The following SLC44A5 variants were observed in gnomAD, a reference collection of about 807,000 sequenced individuals.
SLC44A5 encodes the protein choline transporter-like protein 5.
SLC44A5 carries 57 observed loss-of-function variants against 101.8 expected under a neutral mutation model. The observed-to-expected ratio is 0.56, with a 90% CI of 0.45 to 0.70. The LOEUF (loss-of-function observed/expected upper bound fraction) is 0.70, where lower values mean the gene tolerates loss of function less well. Among genes scored for constraint, SLC44A5 ranks in the 30% least tolerant of loss-of-function variants. The pLI is 0.00. For synonymous variants in SLC44A5, 281 were observed against 290.9 expected (o/e 0.97, Z 0.35); for missense variants, 737 against 853.1 (o/e 0.86, Z 1.70).
intron 2 of SLC44A5, 143 bp from the exon 3 acceptor site, chr1:75,396,764 T>A: frequency 1.6e-6 from 1 of 627,018 alleles, no homozygotes; most frequent in Non-Finnish European, 2.9e-6. Flanking sequence ...CTGGTTGAAG[T>A]AATTCTTTAT....
chr1:75,532,647 T>C (rs1432664269), intron 2 of SLC44A5, among the ~76,000 whole-genome samples: 2 of 152,228 alleles, frequency 1.3e-5, no homozygotes, highest in African/African-American at 4.8e-5. Flanking sequence ...TCCACTAGAA[T>C]GTAAGAGCTA....
rs934597617 is a variant in SLC44A5 at position 75,228,257 on chromosome 1, G to T, written c.854-400C>A. Among the ~76,000 whole-genome samples the T allele has an allele frequency of 5.3e-5, 8 of 152,130 alleles. No individual in the cohort carries two copies. In the East Asian group the frequency reaches 1.5e-3, roughly 29 times the overall value. On this transcript the variant is annotated intron_variant, in intron 12 of 23. Transcript: ENST00000370859. The stretch of plus-strand genomic sequence containing the variant: ...TCCTTGCAATTCTATGATTTTTGAG[G>T]TTATTTTAATAGATGTAACAAGTTT...
intron 9 of SLC44A5, among the ~76,000 whole-genome samples, chr1:75,241,033 A>C (rs541115885): frequency 6.2e-4 from 94 of 151,818 alleles, no homozygotes; most frequent in Non-Finnish European, 1.1e-3. Context: ...AGTTATATTT[A>C]ATAATTCTAA....
the SLC44A5 span, among the ~76,000 whole-genome samples, chr1:75,620,197 G>C: frequency 6.6e-6 from 1 of 152,158 alleles, no homozygotes; most frequent in Non-Finnish European, 1.5e-5. Context: ...ATTCCATGGT[G>C]TATATGTGCC....
the SLC44A5 span, among the ~76,000 whole-genome samples, chr1:75,651,450 A>T: frequency 2.0e-5 from 3 of 152,024 alleles, no homozygotes; most frequent in African/African-American, 7.3e-5. Flanking sequence ...CAATACTCGC[A>T]CTCTGGGAGG....
intron 3 of SLC44A5, among the ~76,000 whole-genome samples, chr1:75,348,404 G>A (rs1052251139): frequency 6.6e-6 from 1 of 152,082 alleles, no homozygotes; most frequent in African/African-American, 2.4e-5. Context: ...TGTTCAAGAT[G>A]AGGGCTCAAA....
At chr1:75,222,316 A>T in intron 14 of SLC44A5, 45 bp downstream of exon 14, 1 of 1,380,366 alleles carries the variant, frequency 7.2e-7, no homozygotes, top group Non-Finnish European at 1.0e-6. Flanking sequence ...GACTGATTTT[A>T]CTGACTGATA....
At chr1:75,272,497 T>C (rs1162616388) in intron 6 of SLC44A5, among the ~76,000 whole-genome samples, 2 of 152,098 alleles carry the variant, frequency 1.3e-5, no homozygotes, top group Non-Finnish European at 2.9e-5. Context: ...TTTCCAATGT[T>C]TTTTTCTAGA....
intron 3 of SLC44A5, among the ~76,000 whole-genome samples, chr1:75,351,024 T>C (rs1658615463): frequency 1.3e-5 from 2 of 151,478 alleles, no homozygotes; most frequent in Admixed American, 6.6e-5. Flanking sequence ...TAGTAAAATA[T>C]ATTACTATTA....
chr1:75,489,245 A>G (rs1668311583), intron 2 of SLC44A5, among the ~76,000 whole-genome samples: 1 of 152,232 alleles, frequency 6.6e-6, no homozygotes, highest in South Asian at 2.1e-4. Flanking sequence ...TATTTTAAAA[A>G]AAACATAAAT....
the SLC44A5 span, among the ~76,000 whole-genome samples, chr1:75,630,865 T>A: frequency 2.0e-5 from 3 of 152,210 alleles, no homozygotes; most frequent in Non-Finnish European, 2.9e-5. Context: ...GGACTCGCTG[T>A]CTTTCAGGTC....
At chr1:75,397,238 G>T (rs938618932) in intron 2 of SLC44A5, among the ~76,000 whole-genome samples, 3 of 152,124 alleles carry the variant, frequency 2.0e-5, no homozygotes, top group Non-Finnish European at 4.4e-5. Flanking sequence ...GGTGGCACGT[G>T]CCATAATGAA....
At chr1:75,477,397 T>A (rs973025420) in intron 2 of SLC44A5, among the ~76,000 whole-genome samples, 1 of 152,218 alleles carries the variant, frequency 6.6e-6, no homozygotes. Flanking sequence ...GGAACAAAGC[T>A]GTACGGAGAA....
chr1:75,510,970 G>T (rs1669536315), intron 2 of SLC44A5, among the ~76,000 whole-genome samples: 1 of 152,128 alleles, frequency 6.6e-6, no homozygotes, highest in Non-Finnish European at 1.5e-5. Flanking sequence ...GTGAAACCCA[G>T]TCTCTACTAA....
chr1:75,450,717 G>C (rs539029018), intron 2 of SLC44A5, among the ~76,000 whole-genome samples: 121 of 152,264 alleles, frequency 7.9e-4, no homozygotes, highest in Middle Eastern at 3.4e-3. Flanking sequence ...GATGAAGTGG[G>C]GCCCTCTCCA....
At chr1:75,487,858 A>G (rs1668232870) in intron 2 of SLC44A5, among the ~76,000 whole-genome samples, 2 of 152,186 alleles carry the variant, frequency 1.3e-5, no homozygotes, top group African/African-American at 2.4e-5. Context: ...TGAGCTGCAC[A>G]GTGAGGGGTG....
intron 2 of SLC44A5, among the ~76,000 whole-genome samples, chr1:75,477,128 G>C (rs916002291): frequency 6.6e-6 from 1 of 152,192 alleles, no homozygotes; most frequent in Admixed American, 6.5e-5. Flanking sequence ...ACCGCTGCTG[G>C]TACCCAGGCA....
chr1:75,306,160 G>A (rs1164913466), intron 4 of SLC44A5, among the ~76,000 whole-genome samples: 1 of 152,088 alleles, frequency 6.6e-6, no homozygotes, highest in Non-Finnish European at 1.5e-5. Context: ...ATCGTCTAAG[G>A]CTACTTTCTT....
intron 3 of SLC44A5, among the ~76,000 whole-genome samples, chr1:75,386,512 G>T: frequency 6.6e-6 from 1 of 152,118 alleles, no homozygotes; most frequent in Non-Finnish European, 1.5e-5. Context: ...GGGATGTGAA[G>T]GACGTCTTCA....
Sources: allele counts gnomAD v4.1 joint callset (sites outside exome capture counted in the v4.1 genomes callset), GRCh38; gene constraint gnomAD v4.1.1; transcripts MANE v1.5; gene names NCBI Gene and HGNC (gene_info 2026-07-23, HGNC 2026-07-21).